ZCWPW2: variants seen among roughly 807,000 people sequenced by gnomAD.
ZCWPW2 encodes the protein zinc finger CW-type PWWP domain protein 2.
ZCWPW2 carries 45 observed loss-of-function variants against 46.6 expected under a neutral mutation model. The observed-to-expected ratio is 0.96, with a 90% confidence interval of 0.76 to 1.24. ZCWPW2 has a LOEUF of 1.24. Ranked by LOEUF, ZCWPW2 falls within the 50% of genes most tolerant of loss-of-function variation. ZCWPW2 has a pLI of 0.00. For synonymous variants in ZCWPW2, 152 were observed against 137.1 expected (o/e 1.11, Z -0.76); for missense variants, 429 against 403.9 (o/e 1.06, Z -0.53).
intron 1 of ZCWPW2, among the ~76,000 whole-genome samples, chr3:28,373,030 C>A (rs1705387355): frequency 1.3e-5 from 2 of 152,138 alleles, no homozygotes; most frequent in Admixed American, 1.3e-4. Flanking sequence ...TCTACACAGA[C>A]CCCCTACATT....
chr3:28,432,549 T>C (rs550618189), intron 3 of ZCWPW2, among the ~76,000 whole-genome samples: 49 of 152,318 alleles, frequency 3.2e-4, no homozygotes, highest in African/African-American at 1.2e-3. Flanking sequence ...CTTCCTGCTT[T>C]ATTCTCTGAA....
At chr3:28,444,392 G>T (rs923835706) in intron 4 of ZCWPW2, among the ~76,000 whole-genome samples, 6 of 152,134 alleles carry the variant, frequency 3.9e-5, no homozygotes, top group Non-Finnish European at 7.4e-5. Flanking sequence ...CATCACTGTT[G>T]TCTCAGGCAG....
intron 4 of ZCWPW2, among the ~76,000 whole-genome samples, chr3:28,450,055 A>G (rs1698164439): frequency 6.6e-6 from 1 of 152,206 alleles, no homozygotes; most frequent in Admixed American, 6.5e-5. Context: ...GATCAATTAA[A>G]TCAGAATCTC....
chr3:28,456,785 AT>A, intron 4 of ZCWPW2, among the ~76,000 whole-genome samples: 1 of 152,198 alleles, frequency 6.6e-6, no homozygotes, highest in African/African-American at 2.4e-5. Flanking sequence ...ATTGATTTGC[AT>A]ATGTTGAACC....
chr3:28,399,994 G>T (rs906944438), intron 2 of ZCWPW2, among the ~76,000 whole-genome samples: 2 of 152,064 alleles, frequency 1.3e-5, no homozygotes, highest in African/African-American at 4.8e-5. Context: ...GGAGTCACCA[G>T]AGAAAGGTAA....
chr3:28,385,997 A>G (rs1248673667), intron 1 of ZCWPW2, among the ~76,000 whole-genome samples: 2 of 149,676 alleles, frequency 1.3e-5, no homozygotes, highest in Middle Eastern at 3.4e-3. Flanking sequence ...TTGTTTCTAT[A>G]GTTATATTTC....
chr3:28,410,352 A>G (rs1278622813), intron 2 of ZCWPW2, among the ~76,000 whole-genome samples: 1 of 152,060 alleles, frequency 6.6e-6, no homozygotes, highest in Admixed American at 6.6e-5. Flanking sequence ...TTTTATTTAT[A>G]ATTGTTGATA....
intron 2 of ZCWPW2, among the ~76,000 whole-genome samples, chr3:28,409,815 C>T (rs1696327032): frequency 6.6e-6 from 1 of 151,892 alleles, no homozygotes; most frequent in Admixed American, 6.6e-5. Context: ...AAAGAAATAG[C>T]ATAATAAATA....
intron 4 of ZCWPW2, among the ~76,000 whole-genome samples, chr3:28,477,431 G>A (rs74927374): frequency 0.15 from 22,252 of 152,156 alleles, 2,186 homozygotes; most frequent in East Asian, 0.45. Context: ...ATGAGGTATA[G>A]GCAAATGGGT....
intron 4 of ZCWPW2, among the ~76,000 whole-genome samples, chr3:28,451,148 T>C (rs1035438626): frequency 1.3e-5 from 2 of 152,208 alleles, no homozygotes; most frequent in African/African-American, 4.8e-5. Flanking sequence ...ACATGTGCTG[T>C]GATGACTCCA....
At chr3:28,520,577 G>T (rs997666798) in intron 8 of ZCWPW2, among the ~76,000 whole-genome samples, 2 of 152,132 alleles carry the variant, frequency 1.3e-5, no homozygotes, top group African/African-American at 4.8e-5. Context: ...TACAATAACA[G>T]AATTGAGTTT....
intron 1 of ZCWPW2, among the ~76,000 whole-genome samples, chr3:28,388,325 T>TC (rs1317147565): frequency 1.3e-5 from 2 of 151,812 alleles, no homozygotes; most frequent in Admixed American, 6.6e-5. Context: ...CTATCACAAG[T>TC]CCCCCCCTTG....
At chr3:28,494,536 C>G (rs1699922766) in intron 6 of ZCWPW2, among the ~76,000 whole-genome samples, 1 of 151,788 alleles carries the variant, frequency 6.6e-6, no homozygotes. Flanking sequence ...CAGTACCTCT[C>G]TCACCTCTCC....
chr3:28,522,589 T>G (rs567092477), intron 9 of ZCWPW2, among the ~76,000 whole-genome samples: 10 of 152,278 alleles, frequency 6.6e-5, no homozygotes, highest in African/African-American at 1.7e-4. Context: ...GAGTTAGAAA[T>G]TAATAAAATA....
intron 4 of ZCWPW2, among the ~76,000 whole-genome samples, chr3:28,445,700 T>G (rs750951687): frequency 1.3e-5 from 2 of 152,098 alleles, no homozygotes; most frequent in Non-Finnish European, 2.9e-5. Flanking sequence ...TTATTAGTAA[T>G]TATTTAAATG....
chr3:28,428,188 C>G lies in ZCWPW2; in HGVS notation c.333-6922C>G, dbSNP rs183020967. On this transcript the variant is annotated intron_variant, in intron 3 of 9. Transcript: ENST00000383768. Reference sequence around the variant, plus strand: ...CAATGAGATACTGTGGTGTGTGAACCTGATAATAACCAGAGAGTCTTCTTC... The same window carrying G: ...CAATGAGATACTGTGGTGTGTGAACGTGATAATAACCAGAGAGTCTTCTTC... 2.3e-3 allele frequency: 353 copies of G among 152,518 alleles called. 1 individual carries two copies. The highest frequency in any genetic ancestry group is 3.5e-3 in the Non-Finnish European group (237 of 68,010). 9.4% of individuals were successfully genotyped at this position (152,518 alleles called of 1,614,324 possible). A position where few individuals can be genotyped will look rare whatever the true frequency, so the allele number is the denominator to read the frequency against.
intron 1 of ZCWPW2, chr3:28,351,533 CAT>C (rs897616361): frequency 6.6e-5 from 10 of 151,388 alleles, no homozygotes; most frequent in Non-Finnish European, 1.2e-4. Context: ...TCTTAGGCAA[CAT>C]GTAAAAATAA....
At chr3:28,377,199 T>C (rs543100367) in intron 1 of ZCWPW2, among the ~76,000 whole-genome samples, 1 of 152,096 alleles carries the variant, frequency 6.6e-6, no homozygotes, top group Non-Finnish European at 1.5e-5. Flanking sequence ...TCATATGTCA[T>C]GCATTAAAGA....
At chr3:28,417,516 G>A (rs1286755021) in intron 3 of ZCWPW2, among the ~76,000 whole-genome samples, 1 of 151,986 alleles carries the variant, frequency 6.6e-6, no homozygotes, top group Non-Finnish European at 1.5e-5. Context: ...CTCATTTTAT[G>A]AGGCCAGCAT....
Sources: gnomAD v4.1 joint callset for allele counts (sites outside exome capture counted in the v4.1 genomes callset) on GRCh38, gnomAD v4.1.1 for gene constraint, MANE v1.5 for transcripts, NCBI Gene and HGNC (gene_info 2026-07-23, HGNC 2026-07-21) for gene names.